The following SH3RF1 variants were observed in gnomAD, a reference collection of about 807,000 sequenced individuals.
SH3RF1 encodes the protein SH3 domain containing ring finger 1.
SH3RF1 carries 32 observed loss-of-function variants against 74.0 expected under a neutral mutation model. That is an observed-to-expected ratio of 0.43 (90% CI 0.33 to 0.58). SH3RF1 has a LOEUF of 0.58. Among genes scored for constraint, SH3RF1 ranks in the 20% least tolerant of loss-of-function variants. SH3RF1 has a pLI of 0.05. For missense variants in SH3RF1, 954 were observed against 1,130.9 expected (o/e 0.84, Z 2.24); for synonymous variants, 396 against 439.6 (o/e 0.90, Z 1.24).
intron 4 of SH3RF1, among the ~76,000 whole-genome samples, chr4:169,141,357 T>C (rs1266864372): frequency 1.3e-5 from 2 of 152,236 alleles, no homozygotes; most frequent in African/African-American, 2.4e-5. Context: ...GCTGATAGCA[T>C]GGTATTCCAT....
At chr4:169,227,322 A>G (rs1437105548) in intron 2 of SH3RF1, among the ~76,000 whole-genome samples, 3 of 152,234 alleles carry the variant, frequency 2.0e-5, no homozygotes, top group Admixed American at 6.5e-5. Flanking sequence ...GAAATGGCAA[A>G]TGAAAAACAA....
chr4:169,131,912 C>T (rs867166190), intron 5 of SH3RF1, among the ~76,000 whole-genome samples: 5 of 152,224 alleles, frequency 3.3e-5, no homozygotes, highest in Admixed American at 2.6e-4. Context: ...TCCCCAACTA[C>T]TGATTGTGGG....
At chr4:169,183,158 G>C (rs888519462) in intron 2 of SH3RF1, among the ~76,000 whole-genome samples, 1 of 152,132 alleles carries the variant, frequency 6.6e-6, no homozygotes, top group African/African-American at 2.4e-5. Flanking sequence ...AAATTAGCCA[G>C]GCATGGTGGA....
At chr4:169,180,546 A>G (rs988085795) in intron 2 of SH3RF1, among the ~76,000 whole-genome samples, 7 of 152,242 alleles carry the variant, frequency 4.6e-5, no homozygotes, top group Admixed American at 1.3e-4. Flanking sequence ...TATGCAGACT[A>G]ACGCAGAGTA....
chr4:169,124,596 T>G (rs77799010), intron 6 of SH3RF1, among the ~76,000 whole-genome samples: 1 of 152,192 alleles, frequency 6.6e-6, no homozygotes, highest in African/African-American at 2.4e-5. Flanking sequence ...CTTTTCCCAG[T>G]GCATGCATGT....
intron 2 of SH3RF1, among the ~76,000 whole-genome samples, chr4:169,203,553 GA>G (rs780772535): frequency 0.022 from 2,818 of 129,314 alleles, 60 homozygotes; most frequent in African/African-American, 0.069. Context: ...CCTGTCTCAA[GA>G]AAAAAAAAAA....
intron 2 of SH3RF1, among the ~76,000 whole-genome samples, chr4:169,211,670 TA>T (rs77721508): frequency 0.049 from 7,396 of 152,158 alleles, 286 homozygotes; most frequent in South Asian, 0.19. Context: ...TTTTCATAAT[TA>T]AAAGGGGGGA....
At chr4:169,252,276 G>A (rs1731117880) in intron 2 of SH3RF1, among the ~76,000 whole-genome samples, 2 of 152,182 alleles carry the variant, frequency 1.3e-5, no homozygotes, top group South Asian at 4.1e-4. Flanking sequence ...GCAACAAACA[G>A]GACACAGAGT....
intron 2 of SH3RF1, among the ~76,000 whole-genome samples, chr4:169,181,888 G>A (rs1734517503): frequency 6.6e-6 from 1 of 152,060 alleles, no homozygotes; most frequent in African/African-American, 2.4e-5. Context: ...TCTCTTCATA[G>A]TCCTTACAGT....
At chr4:169,153,936 A>G (rs928371141) in intron 4 of SH3RF1, among the ~76,000 whole-genome samples, 1 of 152,220 alleles carries the variant, frequency 6.6e-6, no homozygotes, top group South Asian at 2.1e-4. Context: ...TTTTATGCCT[A>G]TCTGCACAAT....
intron 4 of SH3RF1, among the ~76,000 whole-genome samples, chr4:169,145,978 T>TTCTATATAATATTACATATTCTATA (rs1561036177): frequency 1.8e-5 from 1 of 56,992 alleles, no homozygotes; most frequent in African/African-American, 9.1e-5. Context: ...ATTCTATATA[T>TTCTATATAATATTACATATTCTATA]TATTCTATAT....
chr4:169,183,285 G>A (rs1734544128), intron 2 of SH3RF1, among the ~76,000 whole-genome samples: 1 of 152,150 alleles, frequency 6.6e-6, no homozygotes, highest in Non-Finnish European at 1.5e-5. Flanking sequence ...GGGCAACAGA[G>A]CAAGACTTCG....
At chr4:169,198,300 C>T (rs926912780) in intron 2 of SH3RF1, among the ~76,000 whole-genome samples, 1 of 152,002 alleles carries the variant, frequency 6.6e-6, no homozygotes, top group South Asian at 2.1e-4. Context: ...CTTTTAACAT[C>T]CCCAGTTATA....
chr4:169,110,858 G>C (rs1276150164), intron 10 of SH3RF1, among the ~76,000 whole-genome samples: 1 of 152,114 alleles, frequency 6.6e-6, no homozygotes, highest in Non-Finnish European at 1.5e-5. Context: ...TGTCAGGCGA[G>C]ACTTACAAAG....
intron 2 of SH3RF1, among the ~76,000 whole-genome samples, chr4:169,242,497 G>A (rs1452902528): frequency 6.6e-6 from 1 of 152,058 alleles, no homozygotes; most frequent in African/African-American, 2.4e-5. Context: ...AAATCTCCTG[G>A]GAAACTTGTT....
chr4:169,156,537 A>T lies in SH3RF1; in HGVS notation c.536T>A (p.Ile179Asn). ...ENWYHGEVNG[I>N]HGFFPTNFVQ... ...AAAGTTGGTGGGGAAAAAGCCATGGATTCCATTGACTTCCCCATGGTACCA... is the reference window on the plus strand; with the variant it reads ...AAAGTTGGTGGGGAAAAAGCCATGGTTTCCATTGACTTCCCCATGGTACCA... The change falls in exon 3 of 12, where the codon ATC (isoleucine) becomes AAC (asparagine). Residue 179 changes from isoleucine (I) to asparagine (N), a missense_variant. By Grantham distance (149) the Ile-to-Asn change is moderately radical. Coordinates refer to ENST00000284637, the MANE Select transcript of SH3RF1 (RefSeq NM_020870.4). 1 of 1,614,146 alleles carries T rather than the reference A, an allele frequency of 6.2e-7. No homozygotes were observed. The highest frequency in any genetic ancestry group is 1.3e-5 in the African/African-American group (1 of 75,066).
chr4:169,234,174 G>T (rs148112842), intron 2 of SH3RF1, among the ~76,000 whole-genome samples: 2 of 152,224 alleles, frequency 1.3e-5, no homozygotes, highest in East Asian at 3.9e-4. Context: ...TGCCAGGAAC[G>T]TGTGACAATG....
chr4:169,127,757 G>A (rs927817517), intron 6 of SH3RF1, among the ~76,000 whole-genome samples: 6 of 152,112 alleles, frequency 3.9e-5, no homozygotes, highest in African/African-American at 1.4e-4. Flanking sequence ...TTGCCTCAGA[G>A]TGAGCCTCCA....
Position 169,162,587 on chromosome 4 carries a change from C to G in SH3RF1, c.394-5908G>C, listed in dbSNP as rs556266432. 1.5e-3 allele frequency among the ~76,000 whole-genome samples: 223 copies of G among 152,318 alleles called. 2 individuals carry two copies. The highest frequency in any genetic ancestry group is 2.7e-3 in the Non-Finnish European group (187 of 68,022). On this transcript the variant is annotated intron_variant, in intron 2 of 11. Transcript: ENST00000284637. ...CCCCAAATTCACTACATAAAATTTT[C>G]TAATCATACTAACTTTAATCAAAAC...
Sources: allele counts gnomAD v4.1 joint callset (sites outside exome capture counted in the v4.1 genomes callset), GRCh38; gene constraint gnomAD v4.1.1; transcripts MANE v1.5; gene names NCBI Gene and HGNC (gene_info 2026-07-23, HGNC 2026-07-21).